The following ALDH5A1 variants were observed in gnomAD, a reference collection of about 807,000 sequenced individuals.
ALDH5A1 encodes the protein aldehyde dehydrogenase 5 family member A1, also known as succinate-semialdehyde dehydrogenase, mitochondrial.
Under a neutral mutation model 54.7 loss-of-function variants are expected in ALDH5A1, and 33 were observed. That is an observed-to-expected ratio of 0.60 (90% CI 0.46 to 0.81). The LOEUF (loss-of-function observed/expected upper bound fraction) is 0.81, where lower values mean the gene tolerates loss of function less well. ALDH5A1 is among the 30% of genes least tolerant of loss of function. ALDH5A1 has a pLI of 0.00. For missense variants in ALDH5A1, 657 were observed against 711.0 expected (o/e 0.92, Z 0.86); for synonymous variants, 294 against 292.7 (o/e 1.00, Z -0.05).
At chr6:24,522,145 C>CA (rs1468940621) in intron 6 of ALDH5A1, among the ~76,000 whole-genome samples, 2 of 151,450 alleles carry the variant, frequency 1.3e-5, no homozygotes, top group African/African-American at 4.8e-5. Context: ...TGCGCCCAGC[C>CA]AAAAAAAATT....
chr6:24,506,231 CT>C, intron 4 of ALDH5A1, among the ~76,000 whole-genome samples: 1 of 113,596 alleles, frequency 8.8e-6, no homozygotes, highest in Admixed American at 9.8e-5. Flanking sequence ...GCACCTCCTT[CT>C]TTCCTGGTTC....
intron 3 of ALDH5A1, 90 bp downstream of exon 3, chr6:24,503,523 A>C (rs1759254145): frequency 6.7e-7 from 1 of 1,489,786 alleles, no homozygotes. Flanking sequence ...AGGTGTGCTC[A>C]TCCTGTTAGT....
At chr6:24,521,076 C>T (rs1192657009) in intron 6 of ALDH5A1, among the ~76,000 whole-genome samples, 1 of 152,184 alleles carries the variant, frequency 6.6e-6, no homozygotes, top group South Asian at 2.1e-4. Context: ...TAACTCAAAA[C>T]CCTGTTGCCT....
chr6:24,495,596 A>G (rs531786490), intron 1 of ALDH5A1, among the ~76,000 whole-genome samples: 1 of 152,264 alleles, frequency 6.6e-6, no homozygotes. Flanking sequence ...TGCACTGCCC[A>G]GTAGGGGAGG....
intron 4 of ALDH5A1, 61 bp downstream of exon 4, chr6:24,505,046 G>T: frequency 6.4e-7 from 1 of 1,572,322 alleles, no homozygotes; most frequent in South Asian, 1.1e-5. Context: ...ATGTTTATCT[G>T]GGACAGAAAG....
intron 7 of ALDH5A1, among the ~76,000 whole-genome samples, chr6:24,526,904 CTA>C (rs4055010): frequency 0.63 from 76,433 of 121,764 alleles, 25,733 homozygotes; most frequent in Non-Finnish European, 0.77. Flanking sequence ...TATATATCTA[CTA>C]TATATATATT....
chr6:24,529,758 G>T (rs191222053), intron 8 of ALDH5A1, among the ~76,000 whole-genome samples: 31 of 111,898 alleles, frequency 2.8e-4, no homozygotes, highest in African/African-American at 8.7e-4. Flanking sequence ...TTTAACCTCT[G>T]CCTCTTGGGT....
In ALDH5A1 at chr6:24,520,488, A is replaced by G. The variant is rs912930280; in HGVS notation, c.958A>G (p.Asn320Asp). 1.2e-6 allele frequency: 2 copies of G among 1,614,086 alleles called. No individual in the cohort carries two copies. The highest frequency in any genetic ancestry group is 1.7e-6 in the Non-Finnish European group (2 of 1,180,032). Residue 320 changes from asparagine to aspartate, a missense_variant, in exon 6 of 10, where the codon AAC (asparagine) becomes GAC (aspartate). Around this residue, in one of 2 missense-constraint regions of ALDH5A1, gnomAD observed 425 missense variants for 516.4 expected, o/e 0.82. Coordinates refer to ENST00000357578, the MANE Select transcript of ALDH5A1 (RefSeq NM_001080.3). The stretch of plus-strand genomic sequence containing the variant: ...TCCATTTATAGTATTTGACAGTGCC[A>G]ACGTGGACCAGGCTGTAGCAGGGGC... Reference protein sequence around the residue: ...LAPFIVFDSANVDQAVAGAMA... With the variant: ...LAPFIVFDSADVDQAVAGAMA...
chr6:24,521,067 A>G (rs1759674994), intron 6 of ALDH5A1, among the ~76,000 whole-genome samples: 1 of 152,222 alleles, frequency 6.6e-6, no homozygotes, highest in Non-Finnish European at 1.5e-5. Flanking sequence ...TGGCTGGAAT[A>G]ACTCAAAACC....
At position 24,523,305 on chromosome 6, in the gene ALDH5A1, G is replaced by C. The variant is rs983608981; in HGVS notation, c.1173+380G>C. On this transcript the variant is annotated intron_variant, in intron 7 of 9. Coordinates refer to ENST00000357578, the MANE Select transcript of ALDH5A1 (RefSeq NM_001080.3). ...ATGTTTTCATACAAAAACCACAAAG[G>C]TTAAAATAAGTAAAAAATTAATAAT... 4.7e-5 allele frequency among the ~76,000 whole-genome samples: 7 copies of C among 149,926 alleles called. No individual in the cohort carries two copies. The East Asian group carries it at 7.8e-4, about 17-fold the overall frequency.
Position 24,536,199 on chromosome 6 carries a change from G to A in ALDH5A1, c.*2487G>A, listed in dbSNP as rs557006046. On this transcript the variant is annotated 3_prime_UTR_variant, in exon 10 of 10. Transcript: ENST00000357578. ...GACTAGAAAAGGACCATTAGATCAG[G>A]GGTTGGCAAACTATGGCCCACGAAT... 1 of 152,132 alleles carries A rather than the reference G, an allele frequency of 6.6e-6. No individual in the cohort carries two copies. Among genetic ancestry groups the A allele is most frequent in the African/African-American group, 2.4e-5 (1 of 41,418 alleles). 9.4% of individuals were successfully genotyped at this position (152,132 alleles called of 1,614,324 possible). A position where few individuals can be genotyped will look rare whatever the true frequency, so the allele number is the denominator to read the frequency against.
At chr6:24,526,878 A>C (rs9467216) in intron 7 of ALDH5A1, among the ~76,000 whole-genome samples, 4,453 of 86,614 alleles carry the variant, frequency 0.051, 158 homozygotes, top group African/African-American at 0.11. Flanking sequence ...TATATCTTCT[A>C]TATATATATT....
At chr6:24,531,191 T>A (rs12199914) in intron 8 of ALDH5A1, among the ~76,000 whole-genome samples, 7,130 of 152,358 alleles carry the variant, frequency 0.047, 233 homozygotes, top group Non-Finnish European at 0.068. Flanking sequence ...TGTACTTCAC[T>A]GGCCTTGTTA....
At position 24,506,243 on chromosome 6, in the gene ALDH5A1, CTTTTTTTTTTTTTTTTTTTTTT is replaced by C. The variant is rs70974913; in HGVS notation, c.726+1267_726+1288del. Among the ~76,000 whole-genome samples the C allele has an allele frequency of 1.3e-4, 7 of 52,132 alleles. No homozygotes were observed. The Admixed American group carries it at 1.4e-3, about 10-fold the overall frequency. 34.2% of individuals were successfully genotyped at this position (52,132 alleles called of 152,430 possible). A position where few individuals can be genotyped will look rare whatever the true frequency, so the allele number is the denominator to read the frequency against. ...TCTGCACCTCCTTCTTTCCTGGTTC[CTTTTTTTTTTTTTTTTTTTTTT>C]TTTTTTTTGAGACAGTCTCGCTCTG... On this transcript the variant is annotated intron_variant, in intron 4 of 9. Coordinates refer to ENST00000357578, the MANE Select transcript of ALDH5A1 (RefSeq NM_001080.3).
chr6:24,513,040 T>C (rs1759489038), intron 4 of ALDH5A1, among the ~76,000 whole-genome samples: 1 of 151,882 alleles, frequency 6.6e-6, no homozygotes, highest in Non-Finnish European at 1.5e-5. Flanking sequence ...TTTTGTTGTC[T>C]ATAGGGATAT....
intron 2 of ALDH5A1, 25 bp downstream of exon 2, chr6:24,502,631 G>A: frequency 6.3e-7 from 1 of 1,582,644 alleles, no homozygotes; most frequent in Non-Finnish European, 8.7e-7. Flanking sequence ...CTGGCTTGGT[G>A]CACTGAGAAA....
chr6:24,520,589 G>T (rs752456949), intron 6 of ALDH5A1, 45 bp downstream of exon 6: 17 of 1,608,274 alleles, frequency 1.1e-5, no homozygotes, highest in Non-Finnish European at 1.4e-5. Context: ...GCGTGTGCAT[G>T]TGTGAGTGTG....
At chr6:24,517,760 T>C (rs2127386681) in intron 5 of ALDH5A1, among the ~76,000 whole-genome samples, 1 of 152,356 alleles carries the variant, frequency 6.6e-6, no homozygotes, top group East Asian at 1.9e-4. Context: ...AAGGGATAAC[T>C]GATGCATAAC....
chr6:24,503,213 G>A, intron 2 of ALDH5A1, 50 bp from the exon 3 acceptor site: 3 of 1,595,748 alleles, frequency 1.9e-6, no homozygotes, highest in Non-Finnish European at 2.6e-6. Flanking sequence ...ACAGAGCCAT[G>A]CTTTTATTAT....
Sources: gnomAD v4.1 joint callset for allele counts (sites outside exome capture counted in the v4.1 genomes callset) on GRCh38, gnomAD v4.1.1 for gene constraint, gnomAD v4.1.1 regional missense constraint, MANE v1.5 for transcripts, NCBI Gene and HGNC (gene_info 2026-07-23, HGNC 2026-07-21) for gene names.